TTC6: variants seen among roughly 807,000 people sequenced by gnomAD.
TTC6 encodes tetratricopeptide repeat domain 6, also known as tetratricopeptide repeat protein 6.
Under a neutral mutation model 210.4 loss-of-function variants are expected in TTC6, and 172 were observed. That is an observed-to-expected ratio of 0.82 (90% CI 0.72 to 0.93). TTC6 has a LOEUF of 0.93. Among genes scored for constraint, TTC6 ranks in the 40% least tolerant of loss-of-function variants. The pLI is 0.00. For synonymous variants in TTC6, 804 were observed against 819.6 expected (o/e 0.98, Z 0.32); for missense variants, 2,414 against 2,318.1 (o/e 1.04, Z -0.85).
Position 37,729,726 on chromosome 14 carries a change from A to G in TTC6, c.1818+4724A>G, listed in dbSNP as rs140243776. On this transcript the variant is annotated intron_variant, in intron 7 of 30. Coordinates refer to ENST00000553443, the Ensembl canonical transcript of TTC6. ...CCCCTGCCTACTCCTGCACCTTCTC[A>G]TTTTATCCTATACTGTTGGCGTCTA... Among the ~76,000 whole-genome samples the G allele has an allele frequency of 3.3e-5, 5 of 152,062 alleles. No individual in the cohort carries two copies. In the East Asian group the frequency reaches 7.7e-4, roughly 24 times the overall value.
At chr14:37,703,026 T>C (rs2095828452) in intron 5 of TTC6, among the ~76,000 whole-genome samples, 1 of 152,146 alleles carries the variant, frequency 6.6e-6, no homozygotes, top group Non-Finnish European at 1.5e-5. Context: ...ATTTCAGAAC[T>C]GCTCCAGTGT....
rs2096077340 is a variant in TTC6 at position 37,790,697 on chromosome 14, A to AT, written c.3437-13dup. On this transcript the variant is annotated intron_variant, in intron 15 of 30. Transcript: ENST00000553443. ...TTATTTTAGAACCTGAATGAAATAC[A>AT]TTTTTTTAAACTTTTTAAGCACTCA... is the stretch of plus-strand genomic sequence containing the variant. 7.2e-6 allele frequency: 11 copies of AT among 1,523,830 alleles called. No homozygotes were observed. The Admixed American group carries it at 7.9e-5, about 11-fold the overall frequency. The allele number at this position is 1,523,830 out of a possible 1,614,324, so 94.4% of individuals were successfully genotyped here. A position where few individuals can be genotyped will look rare whatever the true frequency, so the allele number is the denominator to read the frequency against.
At chr14:37,745,841 G>A (rs1025168929) in intron 10 of TTC6, among the ~76,000 whole-genome samples, 4 of 152,104 alleles carry the variant, frequency 2.6e-5, no homozygotes, top group South Asian at 2.1e-4. Context: ...GGATTCTTCC[G>A]CAGTGGGACT....
At chr14:37,805,693 TTTTG>T (rs374063299) in intron 21 of TTC6, among the ~76,000 whole-genome samples, 130 of 152,200 alleles carry the variant, frequency 8.5e-4, no homozygotes, top group African/African-American at 2.6e-3. Flanking sequence ...TGAAGTGTTT[TTTTG>T]TTTGTTTGTT....
In TTC6 at chr14:37,606,828, T is replaced by G. The variant is rs185514027; in HGVS notation, c.-155+86T>G. 12 of 964,976 alleles carry G rather than the reference T, an allele frequency of 1.2e-5. No individual in the cohort carries two copies. The East Asian group carries it at 5.8e-4, about 46-fold the overall frequency. The allele number at this position is 964,976 out of a possible 1,614,324, so 59.8% of individuals were successfully genotyped here. A position where few individuals can be genotyped will look rare whatever the true frequency, so the allele number is the denominator to read the frequency against. ...CTCCTTCCCTGTCACCATCTTGGAG[T>G]ACAGCCATGAAGGCTCCAGGATTTC... On this transcript the variant is annotated intron_variant, in intron 2 of 2. Coordinates refer to the TTC6 transcript ENST00000556845.
chr14:37,621,573 T>C (rs1009599168), upstream of TTC6, among the ~76,000 whole-genome samples: 2 of 152,202 alleles, frequency 1.3e-5, no homozygotes, highest in African/African-American at 4.8e-5. Flanking sequence ...CATGCCACTG[T>C]ACTCCAGTCA....
Position 37,679,251 on chromosome 14 carries a change from A to G in TTC6, c.940-900A>G, listed in dbSNP as rs4901094. 3.0e-3 allele frequency among the ~76,000 whole-genome samples: 462 copies of G among 152,188 alleles called. 2 individuals are homozygous for G. Among genetic ancestry groups the G allele is most frequent in the Middle Eastern group, 0.027 (8 of 294 alleles). ...AAAAAAGTCATGTAGTTGAATGCCT[A>G]TTTAAAAAGTAGTAAGACTGAGGTG... On this transcript the variant is annotated intron_variant, in intron 1 of 30. Coordinates refer to ENST00000553443, the Ensembl canonical transcript of TTC6.
At chr14:37,778,063 G>A (rs1344302012) in intron 14 of TTC6, among the ~76,000 whole-genome samples, 2 of 152,152 alleles carry the variant, frequency 1.3e-5, no homozygotes, top group African/African-American at 4.8e-5. Flanking sequence ...TGCTTCATTG[G>A]GTGGTGGCAG....
At chr14:37,838,092 C>T (rs956536123) in intron 29 of TTC6, among the ~76,000 whole-genome samples, 15 of 152,098 alleles carry the variant, frequency 9.9e-5, no homozygotes, top group Non-Finnish European at 1.5e-4. Flanking sequence ...AAGTAATTGG[C>T]GAGTGGCAAG....
In TTC6 at chr14:37,751,094, GAC is replaced by G; in HGVS notation, c.3000_3001del (p.Ile1001AsnfsTer12). ...AGCAGAAATTTACAGGGGAAAAAAA[GAC>G]ATAACTTTGGCAATTCTAAACTATA... On this transcript the variant is annotated frameshift_variant, in exon 13 of 31. Coordinates refer to ENST00000553443, the Ensembl canonical transcript of TTC6. LOFTEE classifies it high-confidence loss of function. The G allele has an allele frequency of 6.6e-7, 1 of 1,525,086 alleles. No individual in the cohort carries two copies. The highest frequency in any genetic ancestry group is 1.2e-5 in the South Asian group (1 of 81,852). The allele number at this position is 1,525,086 out of a possible 1,614,324, so 94.5% of individuals were successfully genotyped here.
intron 1 of TTC6, among the ~76,000 whole-genome samples, chr14:37,634,772 A>G (rs1008338607): frequency 1.3e-5 from 2 of 152,228 alleles, no homozygotes; most frequent in Non-Finnish European, 2.9e-5. Context: ...AAATAATTTG[A>G]GAGTAGATTT....
intron 5 of TTC6, among the ~76,000 whole-genome samples, chr14:37,714,192 A>G (rs942626357): frequency 6.6e-6 from 1 of 152,126 alleles, no homozygotes; most frequent in Non-Finnish European, 1.5e-5. Context: ...AGCCTAGAAG[A>G]AAGACTTGAT....
Position 37,667,674 on chromosome 14 carries a change from G to A in TTC6, c.940-12477G>A, listed in dbSNP as rs1032840309. Among the ~76,000 whole-genome samples, 95 of 150,690 alleles carry A rather than the reference G, an allele frequency of 6.3e-4. 1 individual carries two copies. Among genetic ancestry groups the A allele is most frequent in the African/African-American group, 2.2e-3 (92 of 41,334 alleles). ...CTGTAAGAATACCTTAAAAGATGAA[G>A]AATGAGAATAAGGGGTGTTTATAAG... On this transcript the variant is annotated intron_variant, in intron 1 of 30. Transcript: ENST00000553443.
chr14:37,649,919 C>G (rs968075608), intron 1 of TTC6, among the ~76,000 whole-genome samples: 1 of 152,138 alleles, frequency 6.6e-6, no homozygotes, highest in African/African-American at 2.4e-5. Context: ...GGTCCTACAA[C>G]CCCATATATA....
In TTC6 at chr14:37,768,728, A is replaced by T. The variant is rs1419402855; in HGVS notation, c.3266+15493A>T. ...TGAGACAATGGGGTTTTCTAGATAT[A>T]CAATCATGTCGTCTGCAAAGAAGGA... On this transcript the variant is annotated intron_variant, in intron 14 of 30. Coordinates refer to ENST00000553443, the Ensembl canonical transcript of TTC6. Among the ~76,000 whole-genome samples the T allele has an allele frequency of 7.2e-5, 11 of 152,248 alleles. 1 individual carries two copies. In the South Asian group the frequency reaches 2.3e-3, roughly 32 times the overall value.
chr14:37,659,646 G>A (rs1595071896), intron 1 of TTC6, among the ~76,000 whole-genome samples: 1 of 151,854 alleles, frequency 6.6e-6, no homozygotes, highest in East Asian at 1.9e-4. Context: ...CCAGCCTCCC[G>A]AACAACTGGG....
Position 37,829,135 on chromosome 14 carries a change from C to T in TTC6, c.5298+1769C>T, listed in dbSNP as rs192994919. Among the ~76,000 whole-genome samples the T allele has an allele frequency of 1.5e-3, 222 of 151,954 alleles. 1 individual carries two copies. The highest frequency in any genetic ancestry group is 0.01 in the Middle Eastern group (3 of 292). On this transcript the variant is annotated intron_variant, in intron 29 of 30. Transcript: ENST00000553443. ...TTTGCCTGGTATTCCTTTGCTTTTCCTTTTATTTTCAACTTTTAAAATCCT... is the reference window on the plus strand; with the variant it reads ...TTTGCCTGGTATTCCTTTGCTTTTCTTTTTATTTTCAACTTTTAAAATCCT...
intron 3 of TTC6, among the ~76,000 whole-genome samples, chr14:37,694,266 A>T (rs576333373): frequency 1.7e-4 from 26 of 152,238 alleles, no homozygotes; most frequent in Non-Finnish European, 3.5e-4. Context: ...GTAGGAAAAA[A>T]TCTAACAATT....
intron 24 of TTC6, 68 bp from the exon 27 acceptor site, chr14:37,812,246 C>A: frequency 6.6e-7 from 1 of 1,506,460 alleles, no homozygotes; most frequent in Non-Finnish European, 9.0e-7. Flanking sequence ...GACATAAATA[C>A]GTTTGTCCAT....
Sources: allele counts gnomAD v4.1 joint callset (sites outside exome capture counted in the v4.1 genomes callset), GRCh38; gene constraint gnomAD v4.1.1; transcripts MANE v1.5; gene names NCBI Gene and HGNC (gene_info 2026-07-23, HGNC 2026-07-21).